The following MOCS2 variants were observed in gnomAD, a reference collection of about 807,000 sequenced individuals.
The protein encoded by MOCS2 is molybdopterin synthase catalytic subunit.
Under a neutral mutation model 21.9 loss-of-function variants are expected in MOCS2, and 13 were observed. That is an observed-to-expected ratio of 0.59 (90% CI 0.39 to 0.94). The LOEUF (loss-of-function observed/expected upper bound fraction) is 0.94. MOCS2 is among the 40% of genes least tolerant of loss of function. MOCS2 has a pLI of 0.00. For synonymous variants in MOCS2, 92 were observed against 80.8 expected (o/e 1.14, Z -0.74); for missense variants, 227 against 218.3 (o/e 1.04, Z -0.25).
intron 5 of MOCS2, chr5:53,100,810 C>T (rs546141532): frequency 2.3e-6 from 1 of 431,006 alleles, no homozygotes; most frequent in East Asian, 4.9e-5. Flanking sequence ...ATAGAGCAAA[C>T]ATCTGACTCA....
chr5:53,099,611 T>C (rs1313359247), intron 6 of MOCS2, among the ~76,000 whole-genome samples: 1 of 152,210 alleles, frequency 6.6e-6, no homozygotes, highest in Non-Finnish European at 1.5e-5. Flanking sequence ...TCCCAGGCCC[T>C]GGTTATGAGT....
intron 5 of MOCS2, chr5:53,100,825 G>T: frequency 2.4e-6 from 1 of 411,098 alleles, no homozygotes; most frequent in Non-Finnish European, 4.5e-6. Flanking sequence ...GACTCAACAA[G>T]GCACAGTGCC....
At chr5:53,106,589 C>T (rs375474988) in intron 3 of MOCS2, among the ~76,000 whole-genome samples, 1 of 152,156 alleles carries the variant, frequency 6.6e-6, no homozygotes, top group East Asian at 1.9e-4. Flanking sequence ...GAAAAAATAA[C>T]TGATGGGCAC....
intron 2 of MOCS2, 86 bp downstream of exon 2, chr5:53,108,436 C>A (rs1341887505): frequency 3.3e-5 from 44 of 1,334,910 alleles, no homozygotes; most frequent in Non-Finnish European, 4.0e-5. Flanking sequence ...GCACGGAAAT[C>A]GAAATTAACC....
At chr5:53,099,612 G>A (rs1429044538) in intron 6 of MOCS2, among the ~76,000 whole-genome samples, 1 of 152,174 alleles carries the variant, frequency 6.6e-6, no homozygotes, top group Non-Finnish European at 1.5e-5. Flanking sequence ...CCCAGGCCCT[G>A]GTTATGAGTC....
intron 3 of MOCS2, among the ~76,000 whole-genome samples, chr5:53,104,628 GAA>G (rs1741002266): frequency 6.6e-6 from 1 of 152,150 alleles, no homozygotes. Context: ...GTAGGCCTGA[GAA>G]AGAAGCCTAG....
At chr5:53,107,016 A>G in intron 3 of MOCS2, 61 bp downstream of exon 3, 2 of 1,586,896 alleles carry the variant, frequency 1.3e-6, no homozygotes, top group Non-Finnish European at 1.7e-6. Flanking sequence ...AACCACATAC[A>G]CTTTATCATC....
rs1280223163 is a variant in MOCS2 at position 53,095,982 on chromosome 5, C to T, written c.*2620G>A. The stretch of plus-strand genomic sequence containing the variant: ...TAAAATCAGGGCCTAATTTTCATTT[C>T]GGAACCACTACAGCCTGACTTTAAA... On this transcript the variant is annotated 3_prime_UTR_variant, in exon 7 of 7. Transcript: ENST00000396954. 1 of 152,098 alleles carries T rather than the reference C, an allele frequency of 6.6e-6. No homozygotes were observed. Among genetic ancestry groups the T allele is most frequent in the South Asian group, 2.1e-4 (1 of 4,822 alleles). 9.4% of individuals were successfully genotyped at this position (152,098 alleles called of 1,614,324 possible).
In MOCS2 at chr5:53,098,587, T is replaced by C. The variant is rs1453583858; in HGVS notation, c.*15A>G. Reference sequence around the variant, plus strand: ...TTAACAAAGTTAAGATTGCATGCTCTAAAAACATAAGTGATTAACTGTTGG... The same window carrying C: ...TTAACAAAGTTAAGATTGCATGCTCCAAAAACATAAGTGATTAACTGTTGG... On this transcript the variant is annotated 3_prime_UTR_variant, in exon 7 of 7. Coordinates refer to ENST00000396954, the MANE Select transcript of MOCS2 (RefSeq NM_004531.5). 6.2e-7 allele frequency: 1 copy of C among 1,609,024 alleles called. No individual in the cohort carries two copies. The highest frequency in any genetic ancestry group is 8.5e-7 in the Non-Finnish European group (1 of 1,175,556).
At position 53,096,918 on chromosome 5, in the gene MOCS2, T is replaced by G. The variant is rs184989280; in HGVS notation, c.*1684A>C. The G allele has an allele frequency of 6.6e-6, 1 of 152,232 alleles. No individual in the cohort carries two copies. Among genetic ancestry groups the G allele is most frequent in the Non-Finnish European group, 1.5e-5 (1 of 68,050 alleles). 9.4% of individuals were successfully genotyped at this position (152,232 alleles called of 1,614,324 possible). A position where few individuals can be genotyped will look rare whatever the true frequency, so the allele number is the denominator to read the frequency against. On this transcript the variant is annotated 3_prime_UTR_variant, in exon 7 of 7. Transcript: ENST00000396954. ...TGAAATCCACATATACCTATCAACATTGCATATGACATAACATCCATTTAA... is the reference window on the plus strand; with the variant it reads ...TGAAATCCACATATACCTATCAACAGTGCATATGACATAACATCCATTTAA...
In MOCS2 at chr5:53,109,396, C is replaced by G. The variant is rs561803127; in HGVS notation, c.-315G>C. 202 of 1,213,266 alleles carry G rather than the reference C, an allele frequency of 1.7e-4. 1 individual carries two copies. In the African/African-American group the frequency reaches 2.9e-3, roughly 18 times the overall value. The allele number at this position is 1,213,266 out of a possible 1,614,324, so 75.2% of individuals were successfully genotyped here. On this transcript the variant is annotated 5_prime_UTR_variant, in exon 1 of 7. The change abolishes the stop of an existing upstream ORF in the 5' untranslated region. Coordinates refer to ENST00000396954, the MANE Select transcript of MOCS2 (RefSeq NM_004531.5). ...TTTTAGATTAAAATTTTAGCTTCAT[C>G]AAAACGAATAATCTGGGAAAGAGGT...
chr5:53,100,428 C>A lies in MOCS2; in HGVS notation c.484G>T (p.Val162Leu), dbSNP rs1740875298. 1 of 1,613,700 alleles carries A rather than the reference C, an allele frequency of 6.2e-7. No homozygotes were observed. The highest frequency in any genetic ancestry group is 1.3e-5 in the African/African-American group (1 of 74,874). ...SYAIDTLKAK[V>L]PIWKKEIYEE... ...TAACTTACCTTTTTCCATATGGGCACCTTGGCTTTTAAAGTATCAATGGCA... is the reference window on the plus strand; with the variant it reads ...TAACTTACCTTTTTCCATATGGGCAACTTGGCTTTTAAAGTATCAATGGCA... Residue 162 changes from valine to leucine, a missense_variant, in exon 6 of 7, where the codon GTG becomes TTG. Coordinates refer to ENST00000396954, the MANE Select transcript of MOCS2 (RefSeq NM_004531.5).
At chr5:53,108,383 G>T in intron 2 of MOCS2, 139 bp downstream of exon 2, 1 of 803,146 alleles carries the variant, frequency 1.2e-6, no homozygotes, top group Non-Finnish European at 1.9e-6. Flanking sequence ...AGTTTTTCAG[G>T]TGTTCCAAAA....
At position 53,109,572 on chromosome 5, in the gene MOCS2, C is replaced by CG. The variant is rs1561178862; in HGVS notation, c.-492dup. 1 of 1,424,850 alleles carries CG rather than the reference C, an allele frequency of 7.0e-7. No homozygotes were observed. Among genetic ancestry groups the CG allele is most frequent in the East Asian group, 2.7e-5 (1 of 37,094 alleles). 88.3% of individuals were successfully genotyped at this position (1,424,850 alleles called of 1,614,324 possible). On this transcript the variant is annotated 5_prime_UTR_variant, in exon 1 of 7. Transcript: ENST00000396954. ...CCGGGGGCGGGGGCGGGGGCGCCCC[C>CG]GAACCCAAGACGCCGGCCAGGTTGG...
intron 2 of MOCS2, chr5:53,108,176 A>G: frequency 5.5e-6 from 1 of 182,326 alleles, no homozygotes; most frequent in Non-Finnish European, 1.1e-5. Context: ...CTCTAAAGAG[A>G]GGGGCAGAAC....
Position 53,109,554 on chromosome 5 carries a change from C to T in MOCS2, c.-473G>A. 1.1e-6 allele frequency: 1 copy of T among 942,874 alleles called. No individual in the cohort carries two copies. Among genetic ancestry groups the T allele is most frequent in the Non-Finnish European group, 1.5e-6 (1 of 686,766 alleles). 58.4% of individuals were successfully genotyped at this position (942,874 alleles called of 1,614,324 possible). The stretch of plus-strand genomic sequence containing the variant: ...CCCGGAGACAGGAAGGGCCCGGGGG[C>T]GGGGGCGGGGGCGCCCCCGAACCCA... On this transcript the variant is annotated 5_prime_UTR_variant, in exon 1 of 7. Coordinates refer to ENST00000396954, the MANE Select transcript of MOCS2 (RefSeq NM_004531.5).
chr5:53,098,772 T>TTGTTAAAAAA, intron 6 of MOCS2, 105 bp from the exon 7 acceptor site: 1 of 826,672 alleles, frequency 1.2e-6, no homozygotes, highest in Non-Finnish European at 2.0e-6. Flanking sequence ...TCTATTTCAA[T>TTGTTAAAAAA]GGCTCCTCTT....
In MOCS2 at chr5:53,109,511, G is replaced by C. The variant is rs1198148495; in HGVS notation, c.-430C>G. 2 of 1,367,362 alleles carry C rather than the reference G, an allele frequency of 1.5e-6. No individual in the cohort carries two copies. The highest frequency in any genetic ancestry group is 1.9e-6 in the Non-Finnish European group (2 of 1,061,568). 84.7% of individuals were successfully genotyped at this position (1,367,362 alleles called of 1,614,324 possible). A position where few individuals can be genotyped will look rare whatever the true frequency, so the allele number is the denominator to read the frequency against. ...TCTCGGAGAGGACCCGACTTCTGCT[G>C]GGGCAGTCGCAGTAAAGCCCGGAGA... On this transcript the variant is annotated 5_prime_UTR_variant, in exon 1 of 7. Transcript: ENST00000396954.
rs1020309946 is a variant in MOCS2, at chr5:53,098,248, G to A, written c.*354C>T. The A allele has an allele frequency of 8.9e-5, 22 of 247,512 alleles. No homozygotes were observed. The highest frequency in any genetic ancestry group is 3.0e-4 in the Admixed American group (6 of 19,940). The allele number at this position is 247,512 out of a possible 1,614,324, so 15.3% of individuals were successfully genotyped here. On this transcript the variant is annotated 3_prime_UTR_variant, in exon 7 of 7. Transcript: ENST00000396954. ...TGGGGGGCGGTGAGGTGGGGTTGGT[G>A]GGGGAGTACGTTTCTGAGCTAGTTA... is the stretch of plus-strand genomic sequence containing the variant.
Sources: gnomAD v4.1 joint callset for allele counts (sites outside exome capture counted in the v4.1 genomes callset) on GRCh38, gnomAD v4.1.1 for gene constraint, MANE v1.5 for transcripts, NCBI Gene and HGNC (gene_info 2026-07-23, HGNC 2026-07-21) for gene names.